Variants in ITGAE observed in about 807,000 individuals in gnomAD.
ITGAE encodes the protein integrin alpha-E.
Under a neutral mutation model 136.5 loss-of-function variants are expected in ITGAE, and 99 were observed. That is an observed-to-expected ratio of 0.73 (90% CI 0.62 to 0.86). The LOEUF is 0.86. Ranked by LOEUF, ITGAE falls within the 40% of genes least tolerant of loss-of-function variation. The probability of loss-of-function intolerance (pLI) is 0.00; values close to 1 mark genes in which losing one functional copy is unlikely to be tolerated. For synonymous variants in ITGAE, 613 were observed against 591.8 expected (o/e 1.04, Z -0.52); for missense variants, 1,447 against 1,515.3 (o/e 0.95, Z 0.75).
At chr17:3,735,040 T>C in intron 20 of ITGAE, 91 bp from the exon 21 acceptor site, 1 of 1,419,168 alleles carries the variant, frequency 7.0e-7, no homozygotes, top group East Asian at 2.3e-5. Flanking sequence ...GGCTAGAGCG[T>C]GGTGCTGTGG....
At chr17:3,727,742 TGCTTTAAGA>T (rs1052389423) in intron 26 of ITGAE, among the ~76,000 whole-genome samples, 168 bp downstream of exon 26, 11 of 152,162 alleles carry the variant, frequency 7.2e-5, no homozygotes, top group Non-Finnish European at 1.6e-4. Context: ...ACTGACAGGT[TGCTTTAAGA>T]GCTGAGTGAT....
At chr17:3,747,785 T>C in intron 17 of ITGAE, 137 bp downstream of exon 17, 1 of 640,510 alleles carries the variant, frequency 1.6e-6, no homozygotes, top group East Asian at 3.9e-5. Flanking sequence ...TAAGCTCTAA[T>C]CGAGGGATTT....
chr17:3,736,222 T>C (rs1275969015), intron 20 of ITGAE, among the ~76,000 whole-genome samples: 2 of 152,010 alleles, frequency 1.3e-5, no homozygotes, highest in Non-Finnish European at 2.9e-5. Flanking sequence ...GGCAGGAGAA[T>C]TGCTTGAGCC....
rs745722776 is a variant in ITGAE, at chr17:3,788,192, CACTT to C, written c.35-10536_35-10533del. ...TTATTCTGTGGTTTGCCTTTTCACTCACTTACTTTTTTTTTTTTTTGATAAACAG... is the reference window on the plus strand; with the variant it reads ...TTATTCTGTGGTTTGCCTTTTCACTCACTTTTTTTTTTTTTTGATAAACAG... On this transcript the variant is annotated intron_variant, in intron 1 of 30. Coordinates refer to ENST00000263087, the MANE Select transcript of ITGAE (RefSeq NM_002208.5). Among the ~76,000 whole-genome samples the C allele has an allele frequency of 2.0e-3, 301 of 148,678 alleles. 1 individual carries two copies. Among genetic ancestry groups the C allele is most frequent in the Non-Finnish European group, 3.1e-3 (211 of 67,438 alleles).
chr17:3,751,728 C>A lies in ITGAE; in HGVS notation c.1815G>T (p.Gly605=), dbSNP rs781653079. The part of the protein sequence containing the change: ...VAIGAPLEGF[G]ADDGASFGSV... The stretch of plus-strand genomic sequence containing the variant: ...TGCCGAAGCTGGCACCATCATCTGC[C>A]CCAAAACCTTCCAGGGGGGCCCCGA... Residue 605 remains glycine (G), a synonymous_variant, in exon 15 of 31, where the codon GGG becomes GGT. Coordinates refer to ENST00000263087, the MANE Select transcript of ITGAE (RefSeq NM_002208.5). The A allele has an allele frequency of 3.1e-6, 5 of 1,614,026 alleles. No homozygotes were observed. The highest frequency in any genetic ancestry group is 4.2e-6 in the Non-Finnish European group (5 of 1,179,962).
chr17:3,742,810 C>T (rs2051617934), intron 19 of ITGAE, among the ~76,000 whole-genome samples: 2 of 152,192 alleles, frequency 1.3e-5, no homozygotes, highest in African/African-American at 4.8e-5. Context: ...TGCCACCACA[C>T]CCGGCCAATT....
intron 1 of ITGAE, among the ~76,000 whole-genome samples, chr17:3,791,679 CA>C (rs1231350820): frequency 6.6e-6 from 1 of 152,112 alleles, no homozygotes; most frequent in Non-Finnish European, 1.5e-5. Context: ...CATTAGCGTG[CA>C]AATGAGTCAT....
intron 14 of ITGAE, among the ~76,000 whole-genome samples, chr17:3,752,317 A>G (rs1271455358): frequency 1.3e-5 from 2 of 152,198 alleles, no homozygotes; most frequent in Non-Finnish European, 2.9e-5. Context: ...TGCCAGGTAC[A>G]CTTGAGCAAG....
chr17:3,766,792 AAATAATAATAAT>A (rs146384772), intron 2 of ITGAE, among the ~76,000 whole-genome samples: 33,122 of 136,684 alleles, frequency 0.24, 5,224 homozygotes, highest in African/African-American at 0.45. Flanking sequence ...AAAGAGTGCA[AAATAATAATAAT>A]AATAATAATA....
intron 18 of ITGAE, among the ~76,000 whole-genome samples, chr17:3,744,700 C>T (rs746952187): frequency 1.6e-4 from 25 of 151,920 alleles, no homozygotes; most frequent in Non-Finnish European, 2.8e-4. Context: ...CCTCCCACCT[C>T]GGCCTCCCAA....
Position 3,798,586 on chromosome 17 carries a change from T to C in ITGAE, c.34+2525A>G, listed in dbSNP as rs901283761. On this transcript the variant is annotated intron_variant, in intron 1 of 30. Coordinates refer to ENST00000263087, the MANE Select transcript of ITGAE (RefSeq NM_002208.5). The surrounding 1 kb of genome is among the most constrained non-coding windows in gnomAD (Gnocchi z 4.3). ...TCTCCCACTCCCCAAGGACTGAGGT[T>C]TTCTATCACGCACAGGCCCGGGGTG... Among the ~76,000 whole-genome samples the C allele has an allele frequency of 6.6e-6, 1 of 152,116 alleles. No homozygotes were observed. The highest frequency in any genetic ancestry group is 1.5e-5 in the Non-Finnish European group (1 of 68,014).
rs548070209 is a variant in ITGAE at position 3,731,373 on chromosome 17, G to A, written c.2755-190C>T. The stretch of plus-strand genomic sequence containing the variant: ...TTTTTTTTTTTTGAGAGGGAGTCTC[G>A]CTCTGTCACCCAGGATGGAGTGCAA... On this transcript the variant is annotated intron_variant, in intron 22 of 30. Coordinates refer to ENST00000263087, the MANE Select transcript of ITGAE (RefSeq NM_002208.5). Among the ~76,000 whole-genome samples the A allele has an allele frequency of 6.6e-4, 90 of 136,870 alleles. 1 individual carries two copies. Among genetic ancestry groups the A allele is most frequent in the Admixed American group, 3.2e-4 (4 of 12,676 alleles). The allele number at this position is 136,870 out of a possible 152,430, so 89.8% of individuals were successfully genotyped here. A position where few individuals can be genotyped will look rare whatever the true frequency, so the allele number is the denominator to read the frequency against.
intron 7 of ITGAE, 150 bp from the exon 8 acceptor site, chr17:3,759,703 G>A (rs977616176): frequency 1.9e-5 from 17 of 880,932 alleles, no homozygotes; most frequent in African/African-American, 5.0e-5. Context: ...ATCTCTAAGC[G>A]AGTAGGGGTG....
intron 28 of ITGAE, chr17:3,722,446 A>T: frequency 6.6e-6 from 1 of 150,786 alleles, no homozygotes; most frequent in South Asian, 2.1e-4. Flanking sequence ...GTGCCACTGC[A>T]CTCCAGCCCG....
rs1228083836 is a variant in ITGAE, at chr17:3,743,710, T to TTC, written c.2320-94_2320-93insGA. On this transcript the variant is annotated intron_variant, in intron 18 of 30. Transcript: ENST00000263087. ...TTTTTTCTTTTTCTTTTTTTCTTTTTTTTTTTTTTTGAGATGGAGTCTTGC... is the reference window on the plus strand; with the variant it reads ...TTTTTTCTTTTTCTTTTTTTCTTTTTTCTTTTTTTTTTGAGATGGAGTCTTGC... 5.8e-4 allele frequency: 794 copies of TTC among 1,363,490 alleles called. 9 individuals carry two copies. Among genetic ancestry groups the TTC allele is most frequent in the Middle Eastern group, 5.3e-3 (20 of 3,748 alleles). The allele number at this position is 1,363,490 out of a possible 1,614,324, so 84.5% of individuals were successfully genotyped here. A position where few individuals can be genotyped will look rare whatever the true frequency, so the allele number is the denominator to read the frequency against.
chr17:3,727,440 C>G (rs2051239722), intron 26 of ITGAE, among the ~76,000 whole-genome samples: 1 of 150,852 alleles, frequency 6.6e-6, no homozygotes, highest in Non-Finnish European at 1.5e-5. Flanking sequence ...CACTCTGTCT[C>G]CCAGGCTGGA....
At chr17:3,734,062 A>T (rs2051405144) in intron 21 of ITGAE, among the ~76,000 whole-genome samples, 2 of 152,068 alleles carry the variant, frequency 1.3e-5, no homozygotes, top group Admixed American at 1.3e-4. Flanking sequence ...TTCAAACAGC[A>T]AAGTTTTCTT....
Position 3,757,079 on chromosome 17 carries a change from G to T in ITGAE, c.1076C>A (p.Ser359Ter). ...GAAAGCATGGGTCTCATCCGGGTCT[G>T]AGGCGATCAGGTTCAGTTCCCTCGC... ...RTARELNLIA[S>*]DPDETHAFKV... Residue 359 changes from serine to a stop codon, truncating the protein, a stop_gained, in exon 10 of 31, where the codon TCA (serine) becomes TAA (stop). Transcript: ENST00000263087. LOFTEE classifies it high-confidence loss of function. 6 of 1,614,222 alleles carry T rather than the reference G, an allele frequency of 3.7e-6. No homozygotes were observed. Among genetic ancestry groups the T allele is most frequent in the Non-Finnish European group, 5.1e-6 (6 of 1,180,026 alleles).
chr17:3,787,664 T>C (rs1403790642), intron 1 of ITGAE, among the ~76,000 whole-genome samples: 1 of 152,006 alleles, frequency 6.6e-6, no homozygotes, highest in Non-Finnish European at 1.5e-5. Flanking sequence ...TGTTCAGCTT[T>C]AGTGGATACT....
Sources: allele counts gnomAD v4.1 joint callset (sites outside exome capture counted in the v4.1 genomes callset), GRCh38; gene constraint gnomAD v4.1.1; non-coding constraint Gnocchi (gnomAD v3.1); transcripts MANE v1.5; gene names NCBI Gene and HGNC (gene_info 2026-07-23, HGNC 2026-07-21).